SPTLC3: variants seen among roughly 807,000 people sequenced by gnomAD.
SPTLC3 encodes serine palmitoyltransferase 3.
Under a neutral mutation model 59.3 loss-of-function variants are expected in SPTLC3, and 36 were observed. The observed-to-expected ratio is 0.61, with a 90% CI of 0.47 to 0.80. The LOEUF is 0.80. SPTLC3 is among the 30% of genes least tolerant of loss of function. The probability of loss-of-function intolerance (pLI) is 0.00; values close to 1 mark genes in which losing one functional copy is unlikely to be tolerated. For synonymous variants in SPTLC3, 257 were observed against 240.8 expected, an observed-to-expected ratio of 1.07 and a Z score of -0.62; for missense variants, 625 against 685.1, an observed-to-expected ratio of 0.91 and a Z score of 0.98.
At chr20:13,023,501 C>T (rs6041773) in intron 1 of SPTLC3, among the ~76,000 whole-genome samples, 2,676 of 152,228 alleles carry the variant, frequency 0.018, 72 homozygotes, top group African/African-American at 0.061. Context: ...TCTGTTTTTA[C>T]AAATCTGTTC....
intron 7 of SPTLC3, among the ~76,000 whole-genome samples, chr20:13,111,835 T>C (rs6041870): frequency 0.77 from 116,808 of 152,166 alleles, 45,883 homozygotes; most frequent in African/African-American, 0.94. Context: ...GTCTTAACCA[T>C]TTTGATCATG....
chr20:13,053,034 C>T (rs761963128), intron 2 of SPTLC3, among the ~76,000 whole-genome samples: 3 of 152,292 alleles, frequency 2.0e-5, no homozygotes, highest in East Asian at 1.9e-4. Flanking sequence ...GCACAGCACT[C>T]GAGCTCTGCT....
chr20:13,069,698 C>T (rs1239020633), intron 2 of SPTLC3, among the ~76,000 whole-genome samples: 2 of 152,124 alleles, frequency 1.3e-5, no homozygotes, highest in Admixed American at 1.3e-4. Flanking sequence ...CTTGGGGACC[C>T]CTGCTCTGTG....
chr20:13,090,673 A>G (rs1336178227), intron 4 of SPTLC3, among the ~76,000 whole-genome samples: 1 of 152,234 alleles, frequency 6.6e-6, no homozygotes, highest in East Asian at 1.9e-4. Context: ...AACCATCCTC[A>G]TGCTCCTAAC....
intron 1 of SPTLC3, among the ~76,000 whole-genome samples, chr20:13,020,351 AAAAAAAAAG>A (rs1985808445): frequency 2.0e-5 from 2 of 98,812 alleles, no homozygotes; most frequent in South Asian, 4.5e-4. Context: ...ATTTCTTAAA[AAAAAAAAAG>A]AAAAAAAAGA....
chr20:13,073,225 C>T (rs1238584346), intron 3 of SPTLC3, among the ~76,000 whole-genome samples: 1 of 152,010 alleles, frequency 6.6e-6, no homozygotes, highest in Non-Finnish European at 1.5e-5. Flanking sequence ...CTTTTCTAGC[C>T]TCTGGTAACA....
Position 13,154,144 on chromosome 20 carries a change from T to G in SPTLC3, c.1415+6T>G. On this transcript the variant is annotated splice_donor_region_variant and intron_variant, in intron 10 of 11. Coordinates refer to ENST00000399002, the MANE Select transcript of SPTLC3 (RefSeq NM_018327.4). ...TATATGCCTGGTAAAGTAGCGTAAG[T>G]ATCCAAGGCATCTCATAATCACACC... 6.2e-7 allele frequency: 1 copy of G among 1,613,918 alleles called. No homozygotes were observed. Among genetic ancestry groups the G allele is most frequent in the Non-Finnish European group, 8.5e-7 (1 of 1,179,900 alleles).
At chr20:13,101,957 G>A (rs1989616459) in intron 6 of SPTLC3, among the ~76,000 whole-genome samples, 2 of 152,166 alleles carry the variant, frequency 1.3e-5, no homozygotes, top group African/African-American at 4.8e-5. Context: ...TGTTTCTTCA[G>A]CTTAGAGAGT....
chr20:13,164,508 C>T (rs2038958645), intron 11 of SPTLC3: 4 of 545,164 alleles, frequency 7.3e-6, no homozygotes, highest in Admixed American at 3.0e-5. Flanking sequence ...TCTTCACACT[C>T]TCAAAATAAA....
intron 1 of SPTLC3, among the ~76,000 whole-genome samples, chr20:13,047,401 A>G (rs572243051): frequency 6.7e-4 from 102 of 152,282 alleles, no homozygotes; most frequent in African/African-American, 2.3e-3. Flanking sequence ...AAATACATAT[A>G]TATGTATAAG....
intron 2 of SPTLC3, among the ~76,000 whole-genome samples, chr20:13,056,952 G>C (rs555897304): frequency 6.4e-4 from 97 of 151,790 alleles, no homozygotes; most frequent in Middle Eastern, 3.5e-3. Context: ...ATGTTGGCCA[G>C]GCTGGTCTTG....
rs1227522753 is a variant in SPTLC3, at chr20:13,167,009, C to G, written c.*2142C>G. On this transcript the variant is annotated 3_prime_UTR_variant, in exon 12 of 12. Coordinates refer to ENST00000399002, the MANE Select transcript of SPTLC3 (RefSeq NM_018327.4). ...CACTGCAATGTACAAAACAAAAGGA[C>G]CTGTTTCTGTTAGAGAGTCCATGTT... 1 of 152,124 alleles carries G rather than the reference C, an allele frequency of 6.6e-6. No homozygotes were observed. The highest frequency in any genetic ancestry group is 1.5e-5 in the Non-Finnish European group (1 of 68,034). 9.4% of individuals were successfully genotyped at this position (152,124 alleles called of 1,614,324 possible). A position where few individuals can be genotyped will look rare whatever the true frequency, so the allele number is the denominator to read the frequency against.
intron 1 of SPTLC3, among the ~76,000 whole-genome samples, chr20:13,043,121 C>A (rs1987064958): frequency 6.6e-6 from 1 of 152,200 alleles, no homozygotes; most frequent in Non-Finnish European, 1.5e-5. Context: ...ACACCAGTAT[C>A]CTTGGAAGTT....
intron 2 of SPTLC3, among the ~76,000 whole-genome samples, 177 bp from the exon 3 acceptor site, chr20:13,072,079 A>G (rs1225066034): frequency 6.6e-6 from 1 of 152,084 alleles, no homozygotes; most frequent in Non-Finnish European, 1.5e-5. Context: ...TTCCCCCACT[A>G]AAAGGCATGT....
chr20:13,121,281 C>G (rs1464436325), intron 8 of SPTLC3, among the ~76,000 whole-genome samples: 2 of 152,276 alleles, frequency 1.3e-5, no homozygotes, highest in South Asian at 2.1e-4. Context: ...GAGAAGGGAA[C>G]TGGGACAGGG....
intron 6 of SPTLC3, among the ~76,000 whole-genome samples, chr20:13,104,788 CTTTTA>C (rs1416895293): frequency 6.6e-6 from 1 of 152,112 alleles, no homozygotes; most frequent in African/African-American, 2.4e-5. Flanking sequence ...CAAAATTATA[CTTTTA>C]TTTTAATTTC....
chr20:13,129,893 C>T (rs1295581199), intron 9 of SPTLC3, among the ~76,000 whole-genome samples: 1 of 151,908 alleles, frequency 6.6e-6, no homozygotes, highest in African/African-American at 2.4e-5. Context: ...ACTTTTTTAA[C>T]CTCAGTTTTA....
At position 13,074,365 on chromosome 20, in the gene SPTLC3, A is replaced by G. The variant is rs758505681; in HGVS notation, c.475A>G (p.Ile159Val). The change falls in exon 4 of 12, where the codon ATC (isoleucine) becomes GTC (valine). Residue 159 changes from isoleucine (I) to valine (V), a missense_variant. Physicochemically the swap from Ile to Val is conservative, Grantham distance 29. Transcript: ENST00000399002. ...TCCCCACAGGTTTACTGGAAGAGTC[A>G]TCAAAGATGTCATCAACATGGGCTC... ...NWTFRFTGRV[I>V]KDVINMGSYN... The G allele has an allele frequency of 9.9e-6, 16 of 1,614,026 alleles. No individual in the cohort carries two copies. The South Asian group carries it at 1.6e-4, about 17-fold the overall frequency.
chr20:13,079,763 T>A (rs1262004774), intron 4 of SPTLC3: 1 of 470,268 alleles, frequency 2.1e-6, no homozygotes, highest in South Asian at 1.6e-5. Flanking sequence ...ATTCACCTCA[T>A]CCTGGCAGAA....
Sources: allele counts gnomAD v4.1 joint callset (sites outside exome capture counted in the v4.1 genomes callset), GRCh38; gene constraint gnomAD v4.1.1; transcripts MANE v1.5; gene names NCBI Gene and HGNC (gene_info 2026-07-23, HGNC 2026-07-21).